Variants in LMNTD1 observed in about 807,000 individuals in gnomAD.
LMNTD1 encodes the protein lamin tail domain-containing protein 1.
A neutral mutation model predicts 50.9 loss-of-function variants in LMNTD1; 35 were observed. The observed-to-expected ratio is 0.69, with a 90% CI of 0.53 to 0.91. The LOEUF is 0.91. Among genes scored for constraint, LMNTD1 ranks in the 40% least tolerant of loss-of-function variants. LMNTD1 has a pLI of 0.00. For synonymous variants in LMNTD1, 153 were observed against 161.9 expected (o/e 0.94, Z 0.42); for missense variants, 470 against 475.5 (o/e 0.99, Z 0.11).
intron 1 of LMNTD1, among the ~76,000 whole-genome samples, chr12:25,614,757 A>C (rs182938072): frequency 1.3e-5 from 2 of 152,194 alleles, no homozygotes; most frequent in South Asian, 4.1e-4. Context: ...ACAACAAAGT[A>C]TCACAGACTG....
At chr12:25,505,103 C>T (rs1294486112) in intron 8 of LMNTD1, among the ~76,000 whole-genome samples, 1 of 152,106 alleles carries the variant, frequency 6.6e-6, no homozygotes, top group Non-Finnish European at 1.5e-5. Context: ...TAGAAAATTC[C>T]CATCTACAAG....
intron 1 of LMNTD1, among the ~76,000 whole-genome samples, chr12:25,563,513 C>T (rs2136315217): frequency 6.6e-6 from 1 of 152,282 alleles, no homozygotes; most frequent in Middle Eastern, 3.4e-3. Context: ...GAAGCTTCAT[C>T]TCAGAGGGGC....
chr12:25,635,803 A>G (rs552807637), intron 1 of LMNTD1, among the ~76,000 whole-genome samples: 1 of 152,350 alleles, frequency 6.6e-6, no homozygotes, highest in Non-Finnish European at 1.5e-5. Flanking sequence ...GACCAATGGA[A>G]CAGAATAGAA....
chr12:25,614,080 A>G (rs980140038), intron 1 of LMNTD1, among the ~76,000 whole-genome samples: 2 of 152,152 alleles, frequency 1.3e-5, no homozygotes, highest in African/African-American at 4.8e-5. Flanking sequence ...GGTAAAAAAA[A>G]AAAGTATCTA....
intron 1 of LMNTD1, among the ~76,000 whole-genome samples, chr12:25,598,122 C>T (rs914304393): frequency 2.6e-5 from 4 of 152,088 alleles, no homozygotes; most frequent in Non-Finnish European, 4.4e-5. Flanking sequence ...GATTGTGAGG[C>T]CTCCCCAGCC....
intron 4 of LMNTD1, among the ~76,000 whole-genome samples, chr12:25,527,640 C>CTATATATATATATATATATA (rs61347000): frequency 1.1e-4 from 7 of 61,710 alleles, no homozygotes; most frequent in Non-Finnish European, 1.9e-4. Flanking sequence ...CTTAATAACA[C>CTATATATATATATATATATA]TATATATATA....
At chr12:25,613,313 T>G (rs908651762) in intron 1 of LMNTD1, among the ~76,000 whole-genome samples, 1 of 152,170 alleles carries the variant, frequency 6.6e-6, no homozygotes, top group African/African-American at 2.4e-5. Flanking sequence ...CGGGTAGAAA[T>G]GAAATCAAGA....
chr12:25,518,358 T>C (rs1050424178), intron 8 of LMNTD1, among the ~76,000 whole-genome samples: 1 of 152,212 alleles, frequency 6.6e-6, no homozygotes, highest in Non-Finnish European at 1.5e-5. Context: ...AAAAGCTTTA[T>C]TTAGAGGACT....
intron 1 of LMNTD1, among the ~76,000 whole-genome samples, chr12:25,575,389 T>G (rs1365599922): frequency 6.6e-6 from 1 of 152,196 alleles, no homozygotes; most frequent in Non-Finnish European, 1.5e-5. Flanking sequence ...TGACTGGTAG[T>G]GTCCCTAGTT....
rs1022254641 is a variant in LMNTD1, at chr12:25,518,701, CACTT to C, written c.1189+90_1189+93del. On this transcript the variant is annotated intron_variant, in intron 8 of 9. Coordinates refer to ENST00000458174, the MANE Select transcript of LMNTD1 (RefSeq NM_001145728.2). ...TCTTGAGAATATGAATCATCTTTAA[CACTT>C]AGCACATTTTAACCACTTAACCCAC... 6.5e-5 allele frequency: 70 copies of C among 1,074,930 alleles called. No individual in the cohort carries two copies. In the African/African-American group the frequency reaches 1.0e-3, roughly 16 times the overall value. The allele number at this position is 1,074,930 out of a possible 1,614,324, so 66.6% of individuals were successfully genotyped here.
intron 4 of LMNTD1, among the ~76,000 whole-genome samples, chr12:25,544,628 C>T (rs1406037630): frequency 6.6e-6 from 1 of 151,448 alleles, no homozygotes; most frequent in Non-Finnish European, 1.5e-5. Context: ...TTCCTTTTGT[C>T]CTTTATTACT....
intron 1 of LMNTD1, among the ~76,000 whole-genome samples, chr12:25,565,515 G>A (rs1284396549): frequency 2.0e-5 from 3 of 152,124 alleles, no homozygotes; most frequent in Middle Eastern, 3.4e-3. Flanking sequence ...TTCACATTTT[G>A]TTGTTTCTAT....
At chr12:25,498,020 AC>A in intron 9 of LMNTD1, among the ~76,000 whole-genome samples, 1 of 152,284 alleles carries the variant, frequency 6.6e-6, no homozygotes, top group African/African-American at 2.4e-5. Context: ...GAAAGTATGC[AC>A]CATATCTTCC....
intron 9 of LMNTD1, among the ~76,000 whole-genome samples, chr12:25,495,258 G>GTGTGTA (rs72255530): frequency 0.047 from 7,103 of 151,190 alleles, 388 homozygotes; most frequent in East Asian, 0.17. Flanking sequence ...ACGTGTGTGT[G>GTGTGTA]TGTGTGTGTG....
upstream of LMNTD1, among the ~76,000 whole-genome samples, chr12:25,555,454 TG>T (rs1318516613): frequency 2.6e-5 from 4 of 152,194 alleles, no homozygotes; most frequent in African/African-American, 7.2e-5. Context: ...AGACACTTTT[TG>T]TAATTTGTGG....
At chr12:25,604,425 G>A (rs1393138658) in intron 1 of LMNTD1, among the ~76,000 whole-genome samples, 1 of 152,008 alleles carries the variant, frequency 6.6e-6, no homozygotes, top group Admixed American at 6.6e-5. Context: ...GTATACATGT[G>A]CCATGTTGGT....
At chr12:25,625,980 T>C (rs771598130) in intron 1 of LMNTD1, among the ~76,000 whole-genome samples, 8 of 152,256 alleles carry the variant, frequency 5.3e-5, no homozygotes, top group Non-Finnish European at 1.2e-4. Flanking sequence ...TGGTTTTCTA[T>C]AAATTCCTCC....
intron 1 of LMNTD1, among the ~76,000 whole-genome samples, chr12:25,604,758 T>C (rs891740615): frequency 6.6e-6 from 1 of 152,182 alleles, no homozygotes; most frequent in African/African-American, 2.4e-5. Context: ...TTGGTAGACA[T>C]TGGGTTGGTT....
chr12:25,607,494 C>T (rs1281267267), intron 1 of LMNTD1, among the ~76,000 whole-genome samples: 1 of 152,198 alleles, frequency 6.6e-6, no homozygotes, highest in Admixed American at 6.5e-5. Context: ...TCCCTCTACA[C>T]ACTGCTTTAA....
Sources: allele counts gnomAD v4.1 joint callset (sites outside exome capture counted in the v4.1 genomes callset), GRCh38; gene constraint gnomAD v4.1.1; transcripts MANE v1.5; gene names NCBI Gene and HGNC (gene_info 2026-07-23, HGNC 2026-07-21).